Variants in SLC24A2 observed in about 807,000 individuals in gnomAD.
SLC24A2 encodes sodium/potassium/calcium exchanger 2.
In SLC24A2, 36 loss-of-function variants were observed where a neutral mutation model predicts 62.0. The ratio of observed to expected loss-of-function variants is 0.58; its 90% CI spans 0.44 to 0.77. SLC24A2 has a LOEUF of 0.77. Among genes scored for constraint, SLC24A2 ranks in the 30% least tolerant of loss-of-function variants. The pLI, the probability that SLC24A2 is intolerant of heterozygous loss-of-function variation, is 0.00. For missense variants in SLC24A2, 846 were observed against 817.9 expected, an observed-to-expected ratio of 1.03 and a Z score of -0.42; for synonymous variants, 358 against 294.0, an observed-to-expected ratio of 1.22 and a Z score of -2.23.
At chr9:19,592,386 G>A (rs909833532) in intron 5 of SLC24A2, among the ~76,000 whole-genome samples, 3 of 151,950 alleles carry the variant, frequency 2.0e-5, no homozygotes, top group African/African-American at 7.3e-5. Flanking sequence ...AATGTCTTTG[G>A]TTAAATGGCA....
At chr9:20,038,628 C>CAAAAA in the SLC24A2 span, among the ~76,000 whole-genome samples, 8 of 32,388 alleles carry the variant, frequency 2.5e-4, 1 homozygote, top group East Asian at 1.4e-3. Flanking sequence ...GTAAAAGAAA[C>CAAAAA]AAACAAAAAA....
At chr9:20,244,655 G>C in the SLC24A2 span, among the ~76,000 whole-genome samples, 1 of 152,206 alleles carries the variant, frequency 6.6e-6, no homozygotes, top group African/African-American at 2.4e-5. Flanking sequence ...GTTCAAAAGA[G>C]AAATTACTCT....
At chr9:19,535,194 T>G (rs1488760324) in intron 8 of SLC24A2, among the ~76,000 whole-genome samples, 1 of 152,218 alleles carries the variant, frequency 6.6e-6, no homozygotes, top group East Asian at 1.9e-4. Context: ...TTTGCCCACT[T>G]TTTGATGGGG....
At chr9:19,712,336 G>T (rs1453009371) in intron 2 of SLC24A2, among the ~76,000 whole-genome samples, 1 of 152,192 alleles carries the variant, frequency 6.6e-6, no homozygotes, top group East Asian at 1.9e-4. Context: ...TTAGTGAAAT[G>T]ATCTTTGCAA....
At chr9:19,964,126 A>AT in the SLC24A2 span, among the ~76,000 whole-genome samples, 2 of 149,068 alleles carry the variant, frequency 1.3e-5, no homozygotes, top group Admixed American at 6.8e-5. Context: ...AGGACAAAAA[A>AT]CCAAACACCG....
At chr9:19,929,036 C>T in the SLC24A2 span, 1 of 152,232 alleles carries the variant, frequency 6.6e-6, no homozygotes, top group Non-Finnish European at 1.5e-5. Flanking sequence ...TTTTCTTCTT[C>T]CTTCATATCC....
the SLC24A2 span, among the ~76,000 whole-genome samples, chr9:20,201,040 T>G: frequency 6.6e-6 from 1 of 152,186 alleles, no homozygotes; most frequent in South Asian, 2.1e-4. Flanking sequence ...CCAGTTTGCA[T>G]CTCCCAGTAC....
chr9:19,522,518 T>TC (rs1833251194), intron 9 of SLC24A2, among the ~76,000 whole-genome samples: 1 of 152,222 alleles, frequency 6.6e-6, no homozygotes, highest in African/African-American at 2.4e-5. Flanking sequence ...AATTCTTATT[T>TC]TTATAAGAAA....
the SLC24A2 span, among the ~76,000 whole-genome samples, chr9:19,889,367 G>C: frequency 7.9e-6 from 1 of 126,128 alleles, no homozygotes; most frequent in South Asian, 2.7e-4. Context: ...TCCATAAATT[G>C]TAATTATTAT....
chr9:20,092,354 T>C, the SLC24A2 span, among the ~76,000 whole-genome samples: 2 of 152,232 alleles, frequency 1.3e-5, no homozygotes, highest in Admixed American at 6.5e-5. Context: ...CCAACTGTGG[T>C]TCATGGGCTG....
At chr9:19,558,179 C>T (rs1036670738) in intron 7 of SLC24A2, among the ~76,000 whole-genome samples, 4 of 152,002 alleles carry the variant, frequency 2.6e-5, no homozygotes, top group Non-Finnish European at 5.9e-5. Flanking sequence ...ATATAACATC[C>T]ACGGCAGCAT....
At chr9:19,805,635 C>G in the SLC24A2 span, among the ~76,000 whole-genome samples, 2 of 152,086 alleles carry the variant, frequency 1.3e-5, no homozygotes, top group Admixed American at 1.3e-4. Flanking sequence ...AATTCAATCC[C>G]TTGCTGTGAG....
chr9:19,946,174 C>T, the SLC24A2 span, among the ~76,000 whole-genome samples: 1 of 152,160 alleles, frequency 6.6e-6, no homozygotes, highest in African/African-American at 2.4e-5. Flanking sequence ...ATCACTAAGT[C>T]CATCCCCCAG....
chr9:19,718,902 T>C (rs919066284), intron 2 of SLC24A2, among the ~76,000 whole-genome samples: 4 of 152,208 alleles, frequency 2.6e-5, no homozygotes, highest in Non-Finnish European at 5.9e-5. Flanking sequence ...CGTTTGAGAT[T>C]TTAGAGCTGG....
At chr9:20,268,044 T>C in the SLC24A2 span, among the ~76,000 whole-genome samples, 1 of 152,176 alleles carries the variant, frequency 6.6e-6, no homozygotes, top group African/African-American at 2.4e-5. Flanking sequence ...TTATCTGCTA[T>C]TTAGCTCCTT....
chr9:20,112,834 TC>T, the SLC24A2 span, among the ~76,000 whole-genome samples: 1 of 147,816 alleles, frequency 6.8e-6, no homozygotes, highest in Non-Finnish European at 1.5e-5. Flanking sequence ...ACCCCCCACC[TC>T]CCCTGCCCTA....
the SLC24A2 span, among the ~76,000 whole-genome samples, chr9:20,168,721 T>C: frequency 6.6e-6 from 1 of 151,996 alleles, no homozygotes; most frequent in Admixed American, 6.6e-5. Context: ...CTGGCAAGAA[T>C]GTAGAGGAAT....
intron 2 of SLC24A2, among the ~76,000 whole-genome samples, chr9:19,650,160 A>G (rs1158390483): frequency 6.6e-6 from 1 of 152,244 alleles, no homozygotes; most frequent in Non-Finnish European, 1.5e-5. Flanking sequence ...TAAATGCTCA[A>G]CAAATGTAAG....
chr9:19,804,955 G>T, the SLC24A2 span, among the ~76,000 whole-genome samples: 3 of 152,078 alleles, frequency 2.0e-5, no homozygotes, highest in Non-Finnish European at 4.4e-5. Flanking sequence ...GATGGTAGGA[G>T]ATTTGATTTT....
Sources: gnomAD v4.1 joint callset for allele counts (sites outside exome capture counted in the v4.1 genomes callset) on GRCh38, gnomAD v4.1.1 for gene constraint, MANE v1.5 for transcripts, NCBI Gene and HGNC (gene_info 2026-07-23, HGNC 2026-07-21) for gene names.